CCDC88A: variants seen among roughly 807,000 people sequenced by gnomAD.
CCDC88A encodes the protein girdin.
Under a neutral mutation model 234.3 loss-of-function variants are expected in CCDC88A, and 54 were observed. That is an observed-to-expected ratio of 0.23 (90% CI 0.19 to 0.29). CCDC88A has a LOEUF of 0.29. Ranked by LOEUF, CCDC88A falls within the 10% of genes least tolerant of loss-of-function variation. The pLI is 1.00. For missense variants in CCDC88A, 1,832 were observed against 2,123.4 expected (o/e 0.86, Z 2.70); for synonymous variants, 753 against 737.8 (o/e 1.02, Z -0.33).
In CCDC88A at chr2:55,317,732, T is replaced by C; in HGVS notation, c.3434A>G (p.Glu1145Gly). The change falls in exon 20 of 33, where the codon GAG (glutamate) becomes GGG (glycine). Residue 1145 changes from glutamate to glycine, a missense_variant. Around this residue, in one of 6 missense-constraint regions of CCDC88A, gnomAD observed 1,282 missense variants for 1,543.6 expected, o/e 0.83. Transcript: ENST00000436346. The surrounding 1 kb of genome is among the most constrained non-coding windows in gnomAD (Gnocchi z 4.2). ...LENENESVIKEREDLKSLYDS... is the reference protein window; with the variant it reads ...LENENESVIKGREDLKSLYDS... The stretch of plus-strand genomic sequence containing the variant: ...ATAGAGAGATTTTAGGTCTTCTCGC[T>C]CTTTGATTACAGATTCATTTTCATT... 2 of 1,613,676 alleles carry C rather than the reference T, an allele frequency of 1.2e-6. No individual in the cohort carries two copies. Among genetic ancestry groups the C allele is most frequent in the Non-Finnish European group, 1.7e-6 (2 of 1,179,712 alleles).
At chr2:55,365,388 G>A (rs1671814187) in intron 5 of CCDC88A, among the ~76,000 whole-genome samples, 1 of 152,048 alleles carries the variant, frequency 6.6e-6, no homozygotes, top group Non-Finnish European at 1.5e-5. Flanking sequence ...TACCAAAATT[G>A]TTGACCTACA....
intron 2 of CCDC88A, among the ~76,000 whole-genome samples, chr2:55,407,356 G>T (rs552935887): frequency 6.6e-6 from 1 of 152,012 alleles, no homozygotes. Flanking sequence ...TGTAATCCCA[G>T]CACTTTGGGA....
intron 21 of CCDC88A, among the ~76,000 whole-genome samples, chr2:55,316,605 T>G (rs1291587054): frequency 1.3e-5 from 2 of 152,166 alleles, no homozygotes; most frequent in African/African-American, 4.8e-5. Context: ...CATGGTGGTG[T>G]GTGCCAGCAG....
At chr2:55,312,183 T>G (rs1432426019) in intron 23 of CCDC88A, among the ~76,000 whole-genome samples, 1 of 152,210 alleles carries the variant, frequency 6.6e-6, no homozygotes, top group Non-Finnish European at 1.5e-5. Context: ...TACATATACT[T>G]CCATTATAGA....
chr2:55,322,422 G>C (rs1574099848), intron 18 of CCDC88A, 106 bp downstream of exon 18: 1 of 668,020 alleles, frequency 1.5e-6, no homozygotes, highest in Non-Finnish European at 2.5e-6. Context: ...TTCTTATTAA[G>C]TGCCATCAAT....
chr2:55,364,255 A>C, intron 5 of CCDC88A: 1 of 352,054 alleles, frequency 2.8e-6, no homozygotes. Context: ...TTTATGCTGG[A>C]AAGTTCTAAA....
chr2:55,336,801 A>T lies in CCDC88A; in HGVS notation c.1536T>A (p.Asn512Lys). The T allele has an allele frequency of 6.3e-7, 1 of 1,576,102 alleles. No individual in the cohort carries two copies. The highest frequency in any genetic ancestry group is 1.2e-5 in the South Asian group (1 of 86,750). ...GACTTTGCTTTTCTTGAACAATCTC[A>T]TTTTCAAGAATCTCAACCTAGAGAA... ...RLSKKVEILE[N>K]EIVQEKQSLQ... Residue 512 changes from asparagine to lysine, a missense_variant, in exon 14 of 33, where the codon AAT (asparagine) becomes AAA (lysine). Coordinates refer to ENST00000436346, the MANE Select transcript of CCDC88A (RefSeq NM_001365480.1).
chr2:55,385,628 G>T (rs1467634457), intron 3 of CCDC88A, among the ~76,000 whole-genome samples: 2 of 151,948 alleles, frequency 1.3e-5, no homozygotes, highest in East Asian at 1.9e-4. Context: ...TGAGGCGCGT[G>T]GATCATCTGA....
At position 55,335,292 on chromosome 2, in the gene CCDC88A, T is replaced by C; in HGVS notation, c.1657-128A>G. On this transcript the variant is annotated intron_variant, in intron 14 of 32. Coordinates refer to ENST00000436346, the MANE Select transcript of CCDC88A (RefSeq NM_001365480.1). This position sits in a 1 kb window ranked among gnomAD's most constrained non-coding sequence, Gnocchi z 4.5. Reference sequence around the variant, plus strand: ...CTAGAACATGTCTTACTTTTAATTCTGACAAGTATTTACTGAAGACCACTG... The same window carrying C: ...CTAGAACATGTCTTACTTTTAATTCCGACAAGTATTTACTGAAGACCACTG... The C allele has an allele frequency of 1.9e-6, 1 of 539,742 alleles. No individual in the cohort carries two copies. The highest frequency in any genetic ancestry group is 3.1e-6 in the Non-Finnish European group (1 of 323,556). The allele number at this position is 539,742 out of a possible 1,614,324, so 33.4% of individuals were successfully genotyped here.
chr2:55,352,065 T>C (rs1198303201), intron 8 of CCDC88A, among the ~76,000 whole-genome samples: 1 of 152,110 alleles, frequency 6.6e-6, no homozygotes, highest in Non-Finnish European at 1.5e-5. Context: ...TGCCAGGAGC[T>C]GAGGGCAAAG....
At chr2:55,410,280 T>C (rs565098044) in intron 2 of CCDC88A, among the ~76,000 whole-genome samples, 2 of 152,252 alleles carry the variant, frequency 1.3e-5, no homozygotes, top group East Asian at 1.9e-4. Context: ...GGAGACCTCT[T>C]TGTGGTGCTA....
At chr2:55,310,038 CA>C (rs1682140925) in intron 23 of CCDC88A, among the ~76,000 whole-genome samples, 2 of 151,990 alleles carry the variant, frequency 1.3e-5, no homozygotes, top group Non-Finnish European at 2.9e-5. Flanking sequence ...AGAAAAAGGC[CA>C]TTATTAGATA....
intron 3 of CCDC88A, chr2:55,388,431 C>CAAAGGCAT (rs1676060925): frequency 9.6e-6 from 1 of 104,464 alleles, no homozygotes; most frequent in Non-Finnish European, 2.1e-5. Flanking sequence ...AATATGCATC[C>CAAAGGCAT]AATTCAGGTT....
At position 55,301,174 on chromosome 2, in the gene CCDC88A, G is replaced by C. The variant is rs545401525; in HGVS notation, c.4744+32C>G. The C allele has an allele frequency of 4.1e-5, 52 of 1,259,764 alleles. No homozygotes were observed. The South Asian group carries it at 6.2e-4, about 15-fold the overall frequency. The allele number at this position is 1,259,764 out of a possible 1,614,324, so 78.0% of individuals were successfully genotyped here. A position where few individuals can be genotyped will look rare whatever the true frequency, so the allele number is the denominator to read the frequency against. On this transcript the variant is annotated intron_variant, in intron 28 of 32. Transcript: ENST00000436346. Reference sequence around the variant, plus strand: ...CTAGCATTCCCATTCTGTATTTAATGTGTACTCTCTAAATAAGGTTCATTA... The same window carrying C: ...CTAGCATTCCCATTCTGTATTTAATCTGTACTCTCTAAATAAGGTTCATTA...
At position 55,384,561 on chromosome 2, in the gene CCDC88A, A is replaced by G. The variant is rs866174079; in HGVS notation, c.273+4217T>C. Among the ~76,000 whole-genome samples, 86 of 28,620 alleles carry G rather than the reference A, an allele frequency of 3.0e-3. 15 individuals carry two copies. Among genetic ancestry groups the G allele is most frequent in the African/African-American group, 0.026 (80 of 3,044 alleles). 18.8% of individuals were successfully genotyped at this position (28,620 alleles called of 152,430 possible). A position where few individuals can be genotyped will look rare whatever the true frequency, so the allele number is the denominator to read the frequency against. ...TATACGTATATATGTGTATATATAC[A>G]CATATATACGTATATATGTGTATAT... On this transcript the variant is annotated intron_variant, in intron 3 of 32. Coordinates refer to ENST00000436346, the MANE Select transcript of CCDC88A (RefSeq NM_001365480.1).
chr2:55,416,728 G>C (rs1432126401), intron 2 of CCDC88A, among the ~76,000 whole-genome samples: 7 of 151,296 alleles, frequency 4.6e-5, no homozygotes, highest in African/African-American at 1.5e-4. Flanking sequence ...CTTTATAATA[G>C]AGTACATTAA....
At chr2:55,326,930 A>G (rs756456986) in intron 17 of CCDC88A, among the ~76,000 whole-genome samples, 2 of 152,138 alleles carry the variant, frequency 1.3e-5, no homozygotes, top group Non-Finnish European at 2.9e-5. Flanking sequence ...ACCCAAACCC[A>G]CTAATTTTCT....
At chr2:55,326,445 C>G (rs372979929) in intron 17 of CCDC88A, among the ~76,000 whole-genome samples, 17 of 152,108 alleles carry the variant, frequency 1.1e-4, no homozygotes, top group East Asian at 5.8e-4. Flanking sequence ...CACAGTCTAC[C>G]TTAAAGTGAA....
At chr2:55,330,022 A>C (rs1684729931) in intron 16 of CCDC88A, 1 of 152,066 alleles carries the variant, frequency 6.6e-6, no homozygotes, top group African/African-American at 2.4e-5. Flanking sequence ...CAGCCTCCCA[A>C]AGTGCCGGGA....
Sources: gnomAD v4.1 joint callset for allele counts (sites outside exome capture counted in the v4.1 genomes callset) on GRCh38, gnomAD v4.1.1 for gene constraint, gnomAD v4.1.1 regional missense constraint, Gnocchi (gnomAD v3.1) non-coding constraint, MANE v1.5 for transcripts, NCBI Gene and HGNC (gene_info 2026-07-23, HGNC 2026-07-21) for gene names.